Variants in PDHA1 observed in about 807,000 individuals in gnomAD.
The protein encoded by PDHA1 is pyruvate dehydrogenase E1 component subunit alpha, somatic form, mitochondrial.
In PDHA1, 1 loss-of-function variant was observed where a neutral mutation model predicts 33.0. The ratio of observed to expected loss-of-function variants is 0.03; its 90% CI spans 0.01 to 0.14. The LOEUF is 0.14. PDHA1 is among the 10% of genes least tolerant of loss of function. PDHA1 has a pLI of 1.00. For missense variants in PDHA1, 168 were observed against 325.1 expected (o/e 0.52, Z 3.72); for synonymous variants, 123 against 119.2 (o/e 1.03, Z -0.21).
At chrX:19,355,106 C>T (rs1404414039) in intron 6 of PDHA1, among the ~76,000 whole-genome samples, 2 of 112,068 alleles carry the variant, frequency 1.8e-5, no homozygotes, top group African/African-American at 6.5e-5. Context: ...TTACTGCTAG[C>T]ATGGCCCCAA....
chrX:19,358,594 T>TAAATC (rs2063223877), intron 9 of PDHA1, among the ~76,000 whole-genome samples: 1 of 111,546 alleles, frequency 9.0e-6, no homozygotes, highest in Non-Finnish European at 1.9e-5. Flanking sequence ...ACCTTACATC[T>TAAATC]AAATCAAAGC....
chrX:19,345,754 C>T (rs781301068), intron 1 of PDHA1: 2 of 274,795 alleles, frequency 7.3e-6, no homozygotes, highest in East Asian at 1.2e-4. Flanking sequence ...GTCCCCCCCC[C>T]CCCGCCACCT....
chrX:19,345,755 C>G lies in PDHA1; in HGVS notation c.57+1661C>G, dbSNP rs755870048. ...TATCAGTTTGCAGGGTCCCCCCCCCCCCGCCACCTTACAGTAGGAAGAAAA... is the reference window on the plus strand; with the variant it reads ...TATCAGTTTGCAGGGTCCCCCCCCCGCCGCCACCTTACAGTAGGAAGAAAA... On this transcript the variant is annotated intron_variant, in intron 1 of 10. Coordinates refer to ENST00000422285, the MANE Select transcript of PDHA1 (RefSeq NM_000284.4). 10 of 273,131 alleles carry G rather than the reference C, an allele frequency of 3.7e-5. 1 individual carries two copies. The highest frequency in any genetic ancestry group is 2.4e-4 in the East Asian group (2 of 8,253). 22.5% of individuals were successfully genotyped at this position (273,131 alleles called of 1,213,427 possible).
Position 19,360,938 on chromosome X carries a change from T to C in PDHA1, c.*1285T>C. On this transcript the variant is annotated 3_prime_UTR_variant, in exon 11 of 11. Coordinates refer to ENST00000422285, the MANE Select transcript of PDHA1 (RefSeq NM_000284.4). ...CCTAATGAAAATAAAAACATTCTCCTCACATATGGAGGTGACGCTCGTGTC... is the reference window on the plus strand; with the variant it reads ...CCTAATGAAAATAAAAACATTCTCCCCACATATGGAGGTGACGCTCGTGTC... The C allele has an allele frequency of 3.4e-6, 2 of 590,021 alleles. No homozygotes were observed. Among genetic ancestry groups the C allele is most frequent in the Non-Finnish European group, 5.3e-6 (2 of 376,924 alleles). The allele number at this position is 590,021 out of a possible 1,213,427, so 48.6% of individuals were successfully genotyped here. A position where few individuals can be genotyped will look rare whatever the true frequency, so the allele number is the denominator to read the frequency against.
In PDHA1 at chrX:19,361,694, G is replaced by A; in HGVS notation, c.*2041G>A. On this transcript the variant is annotated 3_prime_UTR_variant, in exon 11 of 11. Transcript: ENST00000422285. ...TGATTCCAGAATGTAAATGTGATGT[G>A]AAAAAGAGATGAATTAACCCTGTAT... 2 of 571,497 alleles carry A rather than the reference G, an allele frequency of 3.5e-6. No homozygotes were observed. The highest frequency in any genetic ancestry group is 5.7e-6 in the Non-Finnish European group (2 of 351,718). The allele number at this position is 571,497 out of a possible 1,213,427, so 47.1% of individuals were successfully genotyped here.
chrX:19,357,596 C>CCTGTT, intron 8 of PDHA1, 56 bp from the exon 9 acceptor site: 3 of 998,043 alleles, frequency 3.0e-6, no homozygotes, highest in Non-Finnish European at 4.3e-6. Flanking sequence ...GGATTGCCGG[C>CCTGTT]CTGTTCTTCC....
chrX:19,351,611 T>TA, intron 4 of PDHA1: 2 of 407,997 alleles, frequency 4.9e-6, no homozygotes, highest in Non-Finnish European at 8.5e-6. Flanking sequence ...GGTAAAAGTT[T>TA]AAAACAGGTT....
intron 8 of PDHA1, among the ~76,000 whole-genome samples, chrX:19,356,885 TC>T (rs2063204173): frequency 8.9e-6 from 1 of 112,061 alleles, no homozygotes; most frequent in Non-Finnish European, 1.9e-5. Context: ...TCAATGTTTC[TC>T]CACCCCAGTG....
chrX:19,360,449 G>A lies in PDHA1; in HGVS notation c.*796G>A, dbSNP rs1245328091. On this transcript the variant is annotated 3_prime_UTR_variant, in exon 11 of 11. Coordinates refer to ENST00000422285, the MANE Select transcript of PDHA1 (RefSeq NM_000284.4). ...CTCACTGCAGCCTCCACACCTCCTG[G>A]GCTCAAGCAATCCTCCCACCTCAGC... is the stretch of plus-strand genomic sequence containing the variant. 8.5e-6 allele frequency: 2 copies of A among 233,961 alleles called. No individual in the cohort carries two copies. The highest frequency in any genetic ancestry group is 7.7e-6 in the Non-Finnish European group (1 of 130,449). 19.3% of individuals were successfully genotyped at this position (233,961 alleles called of 1,213,427 possible).
chrX:19,349,141 T>G (rs988350123), intron 1 of PDHA1, among the ~76,000 whole-genome samples, 171 bp from the exon 2 acceptor site: 1 of 112,115 alleles, frequency 8.9e-6, no homozygotes, highest in South Asian at 3.7e-4. Flanking sequence ...TGGATTCATT[T>G]TGGAGGCCAA....
Position 19,360,204 on chromosome X carries a change from T to TTTCTGTTCATATCAAAC in PDHA1, c.*552_*568dup, listed in dbSNP as rs2063264932. ...ACATTCAGTATAAATATGAAGCTAT[T>TTTCTGTTCATATCAAAC]TTCTGTTCATATCAAACATTAACTA... is the stretch of plus-strand genomic sequence containing the variant. On this transcript the variant is annotated 3_prime_UTR_variant, in exon 11 of 11. Coordinates refer to ENST00000422285, the MANE Select transcript of PDHA1 (RefSeq NM_000284.4). 7.3e-6 allele frequency: 1 copy of TTTCTGTTCATATCAAAC among 136,585 alleles called. No individual in the cohort carries two copies. Among genetic ancestry groups the TTTCTGTTCATATCAAAC allele is most frequent in the Non-Finnish European group, 1.5e-5 (1 of 68,709 alleles). The allele number at this position is 136,585 out of a possible 1,213,427, so 11.3% of individuals were successfully genotyped here. A position where few individuals can be genotyped will look rare whatever the true frequency, so the allele number is the denominator to read the frequency against.
In PDHA1 at chrX:19,361,474, TTC is replaced by T; in HGVS notation, c.*1823_*1824del. 1 of 1,199,621 alleles carries T rather than the reference TTC, an allele frequency of 8.3e-7. No homozygotes were observed. The highest frequency in any genetic ancestry group is 2.3e-4 in the Middle Eastern group (1 of 4,313). On this transcript the variant is annotated 3_prime_UTR_variant, in exon 11 of 11. Transcript: ENST00000422285. The stretch of plus-strand genomic sequence containing the variant: ...AGCTGTGTAACAACAGCATAAGAAT[TTC>T]TTTGTTGTAAATTTACCTTTTCAAT...
intron 9 of PDHA1, 116 bp from the exon 10 acceptor site, chrX:19,358,800 C>G: frequency 1.9e-6 from 1 of 530,935 alleles, no homozygotes; most frequent in South Asian, 2.5e-5. Flanking sequence ...TTCAGAAACA[C>G]ACTTCTGTAT....
rs756645339 is a variant in PDHA1, at chrX:19,360,791, G to A, written c.*1138G>A. ...TTTCTGAGGCCTCCTGAGCCCTTCT[G>A]TACTGGGAGACCGCACTCCAGAGTC... is the stretch of plus-strand genomic sequence containing the variant. On this transcript the variant is annotated 3_prime_UTR_variant, in exon 11 of 11. Transcript: ENST00000422285. The A allele has an allele frequency of 9.9e-6, 12 of 1,208,169 alleles. No individual in the cohort carries two copies. The highest frequency in any genetic ancestry group is 5.9e-5 in the East Asian group (2 of 33,728).
rs1369221108 is a variant in PDHA1, at chrX:19,351,411, T to C, written c.418+4T>C. On this transcript the variant is annotated splice_donor_region_variant and intron_variant, in intron 4 of 10. Coordinates refer to ENST00000422285, the MANE Select transcript of PDHA1 (RefSeq NM_000284.4). ...GAAATTCTCGCAGAGCTTACAGGTT[T>C]GCTGTTGATTTACAGAAAGGGGAAA... 8.3e-7 allele frequency: 1 copy of C among 1,203,355 alleles called. No homozygotes were observed. Among genetic ancestry groups the C allele is most frequent in the South Asian group, 1.8e-5 (1 of 56,368 alleles).
intron 5 of PDHA1, among the ~76,000 whole-genome samples, chrX:19,353,907 A>G (rs1377675506): frequency 9.0e-6 from 1 of 111,067 alleles, no homozygotes; most frequent in Admixed American, 9.6e-5. Context: ...TTCCTTTCTA[A>G]TATATTAAGA....
chrX:19,357,589 T>TTGCCGGCCTG, intron 8 of PDHA1, 63 bp from the exon 9 acceptor site: 1 of 943,532 alleles, frequency 1.1e-6, no homozygotes, highest in South Asian at 1.9e-5. Context: ...AGGCCGTGGA[T>TTGCCGGCCTG]TGCCGGCCTG....
chrX:19,344,440 C>A (rs1048886797), intron 1 of PDHA1, among the ~76,000 whole-genome samples: 1 of 113,041 alleles, frequency 8.8e-6, no homozygotes, highest in Non-Finnish European at 1.9e-5. Context: ...CAATTGACCC[C>A]ACTCATTTCG....
intron 1 of PDHA1, among the ~76,000 whole-genome samples, chrX:19,346,169 T>C (rs2063132225): frequency 8.9e-6 from 1 of 112,150 alleles, no homozygotes; most frequent in African/African-American, 3.2e-5. Context: ...GCAGACTTAC[T>C]GCACTAGACT....
Sources: allele counts gnomAD v4.1 joint callset (sites outside exome capture counted in the v4.1 genomes callset), GRCh38; gene constraint gnomAD v4.1.1; transcripts MANE v1.5; gene names NCBI Gene and HGNC (gene_info 2026-07-23, HGNC 2026-07-21).